The following NPC1 variants were observed in gnomAD, a reference collection of about 807,000 sequenced individuals.
NPC1 encodes Niemann-Pick C1 protein.
A neutral mutation model predicts 140.4 loss-of-function variants in NPC1; 85 were observed. The ratio of observed to expected loss-of-function variants is 0.61; its 90% confidence interval spans 0.51 to 0.72. The LOEUF (loss-of-function observed/expected upper bound fraction) is 0.72. Among genes scored for constraint, NPC1 ranks in the 30% least tolerant of loss-of-function variants. The pLI is 0.00. For synonymous variants in NPC1, 656 were observed against 624.8 expected (o/e 1.05, Z -0.74); for missense variants, 1,504 against 1,623.8 (o/e 0.93, Z 1.27).
intron 1 of NPC1, among the ~76,000 whole-genome samples, chr18:23,523,273 C>CT (rs2058192297): frequency 6.6e-6 from 1 of 152,064 alleles, no homozygotes; most frequent in African/African-American, 2.4e-5. Flanking sequence ...TCATGGTTAG[C>CT]TTGTAGGGCT....
downstream of NPC1, chr18:23,527,926 G>A (rs1385969688): frequency 2.6e-6 from 4 of 1,550,278 alleles, no homozygotes; most frequent in South Asian, 1.1e-5. Context: ...GTATGACAAA[G>A]GGTCCTCCTC....
At chr18:23,546,733 T>C (rs932265941) in intron 11 of NPC1, among the ~76,000 whole-genome samples, 3 of 152,224 alleles carry the variant, frequency 2.0e-5, no homozygotes, top group Non-Finnish European at 2.9e-5. Flanking sequence ...TGTTCAATGA[T>C]AGCCAGACAA....
chr18:23,527,935 T>TC (rs755153212), downstream of NPC1: 3 of 1,495,262 alleles, frequency 2.0e-6, no homozygotes, highest in Admixed American at 5.6e-5. Context: ...AGGGTCCTCC[T>TC]CCCCCACCCC....
chr18:23,516,879 C>T (rs1043451622), intron 3 of NPC1, among the ~76,000 whole-genome samples: 1 of 151,958 alleles, frequency 6.6e-6, no homozygotes, highest in Admixed American at 6.6e-5. Flanking sequence ...GTGTGCGTCA[C>T]CTCGCCCGGC....
At chr18:23,529,599 G>A (rs754183505), downstream of NPC1, 34 of 1,560,844 alleles carry the variant, frequency 2.2e-5, no homozygotes, top group South Asian at 3.2e-4. Flanking sequence ...TTTGCACCTC[G>A]TTGGTATTTG....
intron 10 of NPC1, among the ~76,000 whole-genome samples, chr18:23,550,410 G>A (rs1411572474): frequency 6.7e-6 from 1 of 148,338 alleles, no homozygotes. Context: ...GTCTTGCTTA[G>A]AAATATCTTT....
At chr18:23,548,241 A>G (rs547689573) in intron 10 of NPC1, 133 bp from the exon 11 acceptor site, 1 of 703,440 alleles carries the variant, frequency 1.4e-6, no homozygotes, top group Admixed American at 2.0e-5. Flanking sequence ...TAAGAATTAA[A>G]CAAGAGTTTG....
downstream of NPC1, among the ~76,000 whole-genome samples, chr18:23,526,469 T>C (rs1741395326): frequency 6.6e-6 from 1 of 152,184 alleles, no homozygotes; most frequent in South Asian, 2.1e-4. Flanking sequence ...GAATTGCTCC[T>C]GAATGGCTCA....
downstream of NPC1, chr18:23,530,414 G>C: frequency 6.2e-7 from 1 of 1,614,222 alleles, no homozygotes. Context: ...TGATGAAATA[G>C]TAGAAGTTCT....
intron 8 of NPC1, 85 bp downstream of exon 8, chr18:23,556,158 T>C (rs570052341): frequency 1.1e-4 from 132 of 1,200,494 alleles, no homozygotes; most frequent in South Asian, 3.9e-4. Flanking sequence ...CAGCCCCAAA[T>C]CCCCATCTAG....
intron 1 of NPC1, chr18:23,582,197 A>G (rs80094939): frequency 0.047 from 7,151 of 152,250 alleles, 242 homozygotes; most frequent in Non-Finnish European, 0.063. Flanking sequence ...ATTCATGTTT[A>G]TGAAATTATT....
At position 23,568,916 on chromosome 18, in the gene NPC1, T is replaced by C; in HGVS notation, c.370A>G (p.Thr124Ala). ...GGATCAACATAATCTTCAGTAGCTG[T>C]AACATTCAAAAACTGACTCTGTCGA... ...SPRQSQFLNV[T>A]ATEDYVDPVT... The change falls in exon 4 of 25, where the codon ACA becomes GCA. Residue 124 changes from threonine to alanine, a missense_variant. Physicochemically the swap from Thr to Ala is moderately conservative, Grantham distance 58. Coordinates refer to ENST00000269228, the MANE Select transcript of NPC1 (RefSeq NM_000271.5). 6.2e-7 allele frequency: 1 copy of C among 1,613,830 alleles called. No homozygotes were observed. Among genetic ancestry groups the C allele is most frequent in the Non-Finnish European group, 8.5e-7 (1 of 1,179,706 alleles).
At chr18:23,529,775 C>T, downstream of NPC1, 1 of 1,484,028 alleles carries the variant, frequency 6.7e-7, no homozygotes, top group Non-Finnish European at 9.4e-7. Context: ...AACACAGTCA[C>T]TGTCTTAGAA....
intron 3 of NPC1, among the ~76,000 whole-genome samples, chr18:23,513,965 C>T (rs75601521): frequency 6.6e-6 from 1 of 152,258 alleles, no homozygotes; most frequent in African/African-American, 2.4e-5. Context: ...TCTCCGAATC[C>T]GGAGGTTGCC....
At chr18:23,540,235 G>A (rs1373277895) in intron 17 of NPC1, among the ~76,000 whole-genome samples, 1 of 152,116 alleles carries the variant, frequency 6.6e-6, no homozygotes, top group Non-Finnish European at 1.5e-5. Flanking sequence ...CTAGTTATTC[G>A]TGTTCTGCAG....
At chr18:23,531,001 C>T (rs1214872986), downstream of NPC1, among the ~76,000 whole-genome samples, 1 of 151,610 alleles carries the variant, frequency 6.6e-6, no homozygotes, top group Non-Finnish European at 1.5e-5. Flanking sequence ...TGATCATTCT[C>T]ATTTTTTTTT....
intron 16 of NPC1, 47 bp from the exon 17 acceptor site, chr18:23,540,584 G>GCAGTCT: frequency 7.6e-7 from 1 of 1,307,592 alleles, no homozygotes; most frequent in Non-Finnish European, 1.1e-6. Flanking sequence ...TAGTAAATAA[G>GCAGTCT]CTTACGACCA....
rs534048305 is a variant in NPC1 at position 23,579,686 on chromosome 18, C to T, written c.58-6112G>A. Among the ~76,000 whole-genome samples the T allele has an allele frequency of 3.3e-5, 5 of 152,088 alleles. No homozygotes were observed. In the East Asian group the frequency reaches 5.8e-4, roughly 18 times the overall value. ...TGGGCAGATCACGAGGTCAGGAGAT[C>T]GAGACCATCCTGCCTAACACAGTGA... On this transcript the variant is annotated intron_variant, in intron 1 of 24. Transcript: ENST00000269228.
chr18:23,540,588 A>AGT, intron 16 of NPC1, 51 bp from the exon 17 acceptor site: 1 of 1,275,338 alleles, frequency 7.8e-7, no homozygotes, highest in Non-Finnish European at 1.1e-6. Context: ...AAATAAGCTT[A>AGT]CGACCAGAAA....
Sources: gnomAD v4.1 joint callset for allele counts (sites outside exome capture counted in the v4.1 genomes callset) on GRCh38, gnomAD v4.1.1 for gene constraint, MANE v1.5 for transcripts, NCBI Gene and HGNC (gene_info 2026-07-23, HGNC 2026-07-21) for gene names.